Variants in PRKCB observed in about 807,000 individuals in gnomAD.
PRKCB encodes the protein protein kinase C beta.
Under a neutral mutation model 81.5 loss-of-function variants are expected in PRKCB, and 13 were observed. That is an observed-to-expected ratio of 0.16 (90% confidence interval 0.10 to 0.25). The LOEUF (loss-of-function observed/expected upper bound fraction) is 0.25. Ranked by LOEUF, PRKCB falls within the 10% of genes least tolerant of loss-of-function variation. The pLI, the probability that PRKCB is intolerant of heterozygous loss-of-function variation, is 1.00. For missense variants in PRKCB, 509 were observed against 875.7 expected (o/e 0.58, Z 5.29); for synonymous variants, 335 against 321.4 (o/e 1.04, Z -0.45).
chr16:24,004,503 AAATT>A (rs898543948), intron 3 of PRKCB, among the ~76,000 whole-genome samples: 10 of 151,628 alleles, frequency 6.6e-5, no homozygotes, highest in Admixed American at 2.6e-4. Flanking sequence ...AAAAAAGAAA[AAATT>A]AGCCAGGCAT....
Position 23,860,658 on chromosome 16 carries a change from G to T in PRKCB, c.205+23252G>T, listed in dbSNP as rs965273529. ...CCCAGCACTTTGAGAGGCCAAGGTGGGTGGATCACTTGAGGTCAGGAATTC... is the reference window on the plus strand; with the variant it reads ...CCCAGCACTTTGAGAGGCCAAGGTGTGTGGATCACTTGAGGTCAGGAATTC... On this transcript the variant is annotated intron_variant, in intron 2 of 16. Coordinates refer to ENST00000643927, the MANE Select transcript of PRKCB (RefSeq NM_002738.7). Among the ~76,000 whole-genome samples, 56 of 152,034 alleles carry T rather than the reference G, an allele frequency of 3.7e-4. 1 individual carries two copies. Among genetic ancestry groups the T allele is most frequent in the Admixed American group, 2.6e-4 (4 of 15,268 alleles).
rs1298705472 is a variant in PRKCB, at chr16:24,215,991, A to C, written c.*1175A>C. On this transcript the variant is annotated 3_prime_UTR_variant, in exon 17 of 17. Transcript: ENST00000643927. ...CTTCTAGCATCGAGATACAATAAAA[A>C]AAAAAAAAAAGAAAAGAAGAAGAAA... The C allele has an allele frequency of 1.0e-6, 1 of 983,964 alleles. No homozygotes were observed. Among genetic ancestry groups the C allele is most frequent in the Non-Finnish European group, 1.2e-6 (1 of 828,726 alleles). The allele number at this position is 983,964 out of a possible 1,614,324, so 61.0% of individuals were successfully genotyped here.
intron 8 of PRKCB, among the ~76,000 whole-genome samples, chr16:24,113,881 G>T (rs1433038453): frequency 6.6e-6 from 1 of 151,938 alleles, no homozygotes; most frequent in East Asian, 2.0e-4. Flanking sequence ...CCACCATTTT[G>T]ATGGTGACTT....
chr16:23,869,371 A>G (rs935715248), intron 2 of PRKCB: 4 of 262,540 alleles, frequency 1.5e-5, no homozygotes, highest in African/African-American at 8.9e-5. Flanking sequence ...TAAACTTCGA[A>G]TATTGTAAGT....
intron 3 of PRKCB, among the ~76,000 whole-genome samples, chr16:23,995,595 C>A (rs990733698): frequency 6.6e-6 from 1 of 152,172 alleles, no homozygotes; most frequent in Non-Finnish European, 1.5e-5. Context: ...AATTGCTCTT[C>A]ATTAACTGGG....
intron 2 of PRKCB, among the ~76,000 whole-genome samples, chr16:23,918,168 G>A (rs1322574817): frequency 6.6e-6 from 1 of 152,106 alleles, no homozygotes. Flanking sequence ...CACTTGGAGG[G>A]ATGGGAGGGA....
At chr16:23,875,974 T>C (rs1963007743) in intron 2 of PRKCB, among the ~76,000 whole-genome samples, 1 of 152,172 alleles carries the variant, frequency 6.6e-6, no homozygotes, top group Admixed American at 6.5e-5. Context: ...GGGGTGGATA[T>C]GGGCTCCCCT....
chr16:24,137,431 C>A (rs774116319), intron 9 of PRKCB, among the ~76,000 whole-genome samples: 1 of 152,194 alleles, frequency 6.6e-6, no homozygotes, highest in Non-Finnish European at 1.5e-5. Context: ...ACCAGCGATC[C>A]TCCTGCCTCA....
At chr16:23,962,340 C>T (rs768660462) in intron 2 of PRKCB, among the ~76,000 whole-genome samples, 2 of 152,282 alleles carry the variant, frequency 1.3e-5, no homozygotes, top group South Asian at 2.1e-4. Context: ...CTCCCTCATC[C>T]GTCCCAACCC....
chr16:24,105,298 G>T (rs548458078), intron 7 of PRKCB, among the ~76,000 whole-genome samples: 1 of 152,076 alleles, frequency 6.6e-6, no homozygotes, highest in Non-Finnish European at 1.5e-5. Flanking sequence ...CTCATGATCT[G>T]CCCACCTTGG....
At chr16:23,898,067 AT>A (rs34425730) in intron 2 of PRKCB, among the ~76,000 whole-genome samples, 5,971 of 134,422 alleles carry the variant, frequency 0.044, 414 homozygotes, top group African/African-American at 0.15. Context: ...TGCCCGGCTA[AT>A]TTTTTTTTTT....
chr16:24,003,082 T>G (rs1965061701), intron 3 of PRKCB, among the ~76,000 whole-genome samples: 1 of 152,188 alleles, frequency 6.6e-6, no homozygotes. Flanking sequence ...TATGTAATTC[T>G]CTCCTTCTGG....
intron 2 of PRKCB, among the ~76,000 whole-genome samples, chr16:23,873,358 G>A (rs1471991060): frequency 6.8e-6 from 1 of 148,028 alleles, no homozygotes; most frequent in Non-Finnish European, 1.5e-5. Flanking sequence ...GGGCGATGGA[G>A]TGAAACTCTG....
chr16:24,151,786 T>C, intron 9 of PRKCB: 1 of 455,964 alleles, frequency 2.2e-6, no homozygotes, highest in Non-Finnish European at 4.4e-6. Context: ...AGAGCTGCAT[T>C]TTCAGAACAG....
chr16:24,006,837 G>T (rs556073328), intron 3 of PRKCB, among the ~76,000 whole-genome samples: 9 of 137,648 alleles, frequency 6.5e-5, no homozygotes, highest in African/African-American at 2.1e-4. Flanking sequence ...CGGGGAGCAG[G>T]GGGTGGGGAG....
chr16:23,962,467 ATATT>A (rs1267302983), intron 2 of PRKCB, among the ~76,000 whole-genome samples: 1 of 152,200 alleles, frequency 6.6e-6, no homozygotes, highest in African/African-American at 2.4e-5. Context: ...ACCCCTGGCC[ATATT>A]TAGATATCAG....
At chr16:23,945,944 T>G (rs1406511972) in intron 2 of PRKCB, among the ~76,000 whole-genome samples, 3 of 152,096 alleles carry the variant, frequency 2.0e-5, no homozygotes, top group Admixed American at 1.3e-4. Flanking sequence ...GAATATATAT[T>G]GGGCAACGAC....
chr16:24,036,699 T>G (rs1280699041), intron 5 of PRKCB, among the ~76,000 whole-genome samples: 2 of 152,168 alleles, frequency 1.3e-5, no homozygotes, highest in African/African-American at 2.4e-5. Context: ...GTGCAATCCA[T>G]TGCATTATGT....
intron 2 of PRKCB, among the ~76,000 whole-genome samples, chr16:23,901,700 CTG>C (rs773374585): frequency 5.3e-5 from 8 of 152,190 alleles, no homozygotes; most frequent in Non-Finnish European, 1.0e-4. Flanking sequence ...TTGTCTGAGA[CTG>C]TGAGGTTCTC....
Sources: gnomAD v4.1 joint callset for allele counts (sites outside exome capture counted in the v4.1 genomes callset) on GRCh38, gnomAD v4.1.1 for gene constraint, MANE v1.5 for transcripts, NCBI Gene and HGNC (gene_info 2026-07-23, HGNC 2026-07-21) for gene names.